CADM1: variants seen among roughly 807,000 people sequenced by gnomAD.
CADM1 encodes the protein TSLC-1.
Under a neutral mutation model 53.1 loss-of-function variants are expected in CADM1, and 15 were observed. The observed-to-expected ratio is 0.28, with a 90% confidence interval of 0.19 to 0.44. The LOEUF (loss-of-function observed/expected upper bound fraction) is 0.44, where lower values mean the gene tolerates loss of function less well. CADM1 is among the 20% of genes least tolerant of loss of function. The pLI is 1.00. For missense variants in CADM1, 434 were observed against 611.3 expected (o/e 0.71, Z 3.06); for synonymous variants, 281 against 243.0 (o/e 1.16, Z -1.45).
chr11:115,367,778 A>C (rs1946203237), intron 1 of CADM1, among the ~76,000 whole-genome samples: 1 of 152,102 alleles, frequency 6.6e-6, no homozygotes, highest in African/African-American at 2.4e-5. Flanking sequence ...AGAAAAAAAA[A>C]CAGTAAGGTT....
At chr11:115,270,038 C>A (rs754987105) in intron 1 of CADM1, among the ~76,000 whole-genome samples, 1 of 152,176 alleles carries the variant, frequency 6.6e-6, no homozygotes, top group Non-Finnish European at 1.5e-5. Context: ...AGTGTGCAGG[C>A]GTCAACTCCC....
At chr11:115,187,557 C>T (rs912926171) in intron 10 of CADM1, among the ~76,000 whole-genome samples, 3 of 152,142 alleles carry the variant, frequency 2.0e-5, no homozygotes, top group Admixed American at 6.5e-5. Flanking sequence ...CCCCTGCTCC[C>T]CCGCCCCCAA....
intron 1 of CADM1, among the ~76,000 whole-genome samples, chr11:115,423,222 A>G (rs1281021950): frequency 6.6e-6 from 1 of 152,156 alleles, no homozygotes; most frequent in Non-Finnish European, 1.5e-5. Context: ...TTAAGTGACA[A>G]AATCACAGAA....
intron 1 of CADM1, among the ~76,000 whole-genome samples, chr11:115,291,780 T>C (rs76262373): frequency 2.0e-5 from 3 of 151,270 alleles, no homozygotes; most frequent in Non-Finnish European, 4.4e-5. Flanking sequence ...GGGTTTAGTA[T>C]ACAGTACTAC....
At chr11:115,179,093 C>A in intron 10 of CADM1, 2 of 378,942 alleles carry the variant, frequency 5.3e-6, no homozygotes, top group Non-Finnish European at 1.0e-5. Context: ...CTGTCTGTAT[C>A]CAGTTGCAGA....
chr11:115,311,840 G>A (rs746802310), intron 1 of CADM1, among the ~76,000 whole-genome samples: 1 of 152,082 alleles, frequency 6.6e-6, no homozygotes, highest in Non-Finnish European at 1.5e-5. Context: ...AATCAGATGA[G>A]CAGTGATGGG....
chr11:115,308,175 G>GTGTGTGTGTGTGTGTGTGTGTGTATA (rs1353212174), intron 1 of CADM1, among the ~76,000 whole-genome samples: 2 of 117,432 alleles, frequency 1.7e-5, no homozygotes, highest in African/African-American at 7.5e-5. Flanking sequence ...GTGTGTGTGT[G>GTGTGTGTGTGTGTGTGTGTGTGTATA]TATATCACTC....
At position 115,386,169 on chromosome 11, in the gene CADM1, C is replaced by T. The variant is rs550654205; in HGVS notation, c.124+118102G>A. 1.0e-3 allele frequency among the ~76,000 whole-genome samples: 157 copies of T among 152,356 alleles called. 1 individual carries two copies. The highest frequency in any genetic ancestry group is 3.6e-3 in the African/African-American group (149 of 41,588). ...TCAGGATTAACTGTTGTGAGTCCAT[C>T]ATTCCACAAACCCGTTGTAATTTTG... On this transcript the variant is annotated intron_variant, in intron 1 of 11. Coordinates refer to ENST00000331581, the MANE Select transcript of CADM1 (RefSeq NM_001301043.2).
At chr11:115,366,454 G>C (rs1383321561) in intron 1 of CADM1, among the ~76,000 whole-genome samples, 1 of 152,164 alleles carries the variant, frequency 6.6e-6, no homozygotes, top group Non-Finnish European at 1.5e-5. Context: ...TTGTAAAGAG[G>C]CTTAGTCTAC....
At chr11:115,455,441 C>T (rs1282421308) in intron 1 of CADM1, among the ~76,000 whole-genome samples, 1 of 151,820 alleles carries the variant, frequency 6.6e-6, no homozygotes, top group Non-Finnish European at 1.5e-5. Flanking sequence ...ATATTGGTCT[C>T]TGGTAGAAAA....
intron 8 of CADM1, among the ~76,000 whole-genome samples, chr11:115,203,146 A>ATT (rs71936114): frequency 6.8e-6 from 1 of 147,826 alleles, no homozygotes; most frequent in Non-Finnish European, 1.5e-5. Context: ...ACGGGGGATG[A>ATT]TTTTTTTTTT....
intron 1 of CADM1, among the ~76,000 whole-genome samples, chr11:115,244,011 C>T (rs78529023): frequency 4.1e-4 from 62 of 152,302 alleles, no homozygotes; most frequent in Non-Finnish European, 7.6e-4. Flanking sequence ...GTTTAGAAGA[C>T]AGAATCCAAC....
intron 1 of CADM1, among the ~76,000 whole-genome samples, chr11:115,395,093 G>T (rs1368468920): frequency 2.6e-5 from 4 of 152,256 alleles, no homozygotes; most frequent in East Asian, 1.9e-4. Context: ...ATAGAAAGCA[G>T]AAAGCAAACT....
intron 1 of CADM1, among the ~76,000 whole-genome samples, chr11:115,260,216 C>T (rs1453822315): frequency 1.3e-5 from 2 of 152,232 alleles, no homozygotes; most frequent in Non-Finnish European, 2.9e-5. Context: ...AGGCATGAGC[C>T]ACCATGCCCG....
chr11:115,358,067 C>T (rs1488280465), intron 1 of CADM1, among the ~76,000 whole-genome samples: 2 of 152,126 alleles, frequency 1.3e-5, no homozygotes, highest in African/African-American at 4.8e-5. Flanking sequence ...AGTTCTGGCA[C>T]AGCTGTACGC....
intron 1 of CADM1, among the ~76,000 whole-genome samples, chr11:115,293,366 G>A (rs1177548607): frequency 6.6e-6 from 1 of 152,156 alleles, no homozygotes; most frequent in African/African-American, 2.4e-5. Flanking sequence ...CCGGCAGGCG[G>A]AGCTTGCAGT....
chr11:115,373,114 C>T (rs1311371608), intron 1 of CADM1, among the ~76,000 whole-genome samples: 1 of 152,164 alleles, frequency 6.6e-6, no homozygotes. Flanking sequence ...CTCTCTCTGG[C>T]CTTGGGCAGA....
chr11:115,377,385 A>C (rs1236624612), intron 1 of CADM1: 1 of 152,240 alleles, frequency 6.6e-6, no homozygotes, highest in Non-Finnish European at 1.5e-5. Context: ...CACAGGACTA[A>C]AAATAAATGA....
chr11:115,452,626 T>C (rs1475171479), intron 1 of CADM1, among the ~76,000 whole-genome samples: 1 of 152,110 alleles, frequency 6.6e-6, no homozygotes, highest in Non-Finnish European at 1.5e-5. Flanking sequence ...TAAAATGTGT[T>C]TACATTAACA....
Sources: gnomAD v4.1 joint callset for allele counts (sites outside exome capture counted in the v4.1 genomes callset) on GRCh38, gnomAD v4.1.1 for gene constraint, MANE v1.5 for transcripts, NCBI Gene and HGNC (gene_info 2026-07-23, HGNC 2026-07-21) for gene names.